The following HS6ST2 variants were observed in gnomAD, a reference collection of about 807,000 sequenced individuals.
HS6ST2 encodes heparan-sulfate 6-O-sulfotransferase 2.
HS6ST2 carries 17 observed loss-of-function variants against 33.0 expected under a neutral mutation model. That is an observed-to-expected ratio of 0.52 (90% CI 0.35 to 0.77). The LOEUF is 0.77. HS6ST2 is among the 30% of genes least tolerant of loss of function. The pLI is 0.01. For missense variants in HS6ST2, 519 were observed against 551.7 expected (o/e 0.94, Z 0.59); for synonymous variants, 248 against 237.1 (o/e 1.05, Z -0.42).
intron 2 of HS6ST2, among the ~76,000 whole-genome samples, chrX:132,834,937 T>C (rs1405614468): frequency 1.8e-5 from 2 of 112,301 alleles, no homozygotes; most frequent in Non-Finnish European, 3.8e-5. Flanking sequence ...TAGTCCTTTG[T>C]TTTCAGCTTT....
rs1054914905 is a variant in HS6ST2, at chrX:132,675,505, G to A, written c.981-6306C>T. ...GGAAAGTGAAGGCCTCGTTCCTGGTGCAGGCCAGTGGCTTTCTTCATCCCA... is the reference window on the plus strand; with the variant it reads ...GGAAAGTGAAGGCCTCGTTCCTGGTACAGGCCAGTGGCTTTCTTCATCCCA... On this transcript the variant is annotated intron_variant, in intron 3 of 4. Transcript: ENST00000370833. Among the ~76,000 whole-genome samples the A allele has an allele frequency of 4.5e-5, 5 of 111,750 alleles. No individual in the cohort carries two copies. In the Admixed American group the frequency reaches 4.8e-4, roughly 11 times the overall value.
chrX:132,719,835 G>A (rs777694732), intron 2 of HS6ST2, among the ~76,000 whole-genome samples: 37 of 112,534 alleles, frequency 3.3e-4, no homozygotes, highest in Non-Finnish European at 3.8e-5. Flanking sequence ...CTTGTCTTCA[G>A]GATCCAAGGA....
intron 2 of HS6ST2, among the ~76,000 whole-genome samples, chrX:132,904,508 CTTT>C (rs56772653): frequency 9.5e-6 from 1 of 105,242 alleles, no homozygotes; most frequent in Non-Finnish European, 1.9e-5. Flanking sequence ...TCCTTCTTTC[CTTT>C]TTTATTTTCT....
intron 3 of HS6ST2, among the ~76,000 whole-genome samples, chrX:132,682,074 T>C (rs1289565293): frequency 8.9e-6 from 1 of 112,450 alleles, no homozygotes; most frequent in African/African-American, 3.2e-5. Flanking sequence ...CAGATGCTAC[T>C]GTAGGAAGAA....
intron 2 of HS6ST2, among the ~76,000 whole-genome samples, chrX:132,897,944 G>A (rs2066390945): frequency 9.0e-6 from 1 of 111,630 alleles, no homozygotes; most frequent in Non-Finnish European, 1.9e-5. Flanking sequence ...GGCCACGAAT[G>A]GGTACTGGTC....
intron 4 of HS6ST2, among the ~76,000 whole-genome samples, chrX:132,652,230 C>A (rs1387248173): frequency 9.0e-6 from 1 of 111,711 alleles, no homozygotes; most frequent in East Asian, 2.8e-4. Context: ...ATCTGTTACC[C>A]ACTTAGCAAT....
intron 2 of HS6ST2, among the ~76,000 whole-genome samples, chrX:132,812,653 T>C (rs936357098): frequency 1.2e-4 from 13 of 109,115 alleles, no homozygotes; most frequent in Admixed American, 5.0e-4. Context: ...TTTGGTTTTG[T>C]TGTTCTTGTT....
At chrX:132,646,381 C>G (rs1398807356) in intron 4 of HS6ST2, among the ~76,000 whole-genome samples, 1 of 110,213 alleles carries the variant, frequency 9.1e-6, no homozygotes, top group Admixed American at 9.7e-5. Context: ...TCTAAGATAT[C>G]CCTCCTGCTA....
chrX:132,646,255 T>A (rs1482906249), intron 4 of HS6ST2, among the ~76,000 whole-genome samples: 1 of 111,529 alleles, frequency 9.0e-6, no homozygotes, highest in Non-Finnish European at 1.9e-5. Context: ...TAAAGTTTAT[T>A]CCTTTGGTTT....
At chrX:132,706,326 G>A (rs1259919025) in intron 3 of HS6ST2, among the ~76,000 whole-genome samples, 1 of 111,955 alleles carries the variant, frequency 8.9e-6, no homozygotes, top group Non-Finnish European at 1.9e-5. Flanking sequence ...ACTTTATAGA[G>A]GTCTATTGTT....
intron 3 of HS6ST2, among the ~76,000 whole-genome samples, chrX:132,682,526 A>G (rs2063979920): frequency 8.9e-6 from 1 of 111,996 alleles, no homozygotes; most frequent in African/African-American, 3.2e-5. Context: ...GGATATAAAC[A>G]ATCCTTTGTG....
intron 2 of HS6ST2, among the ~76,000 whole-genome samples, chrX:132,828,362 C>G (rs1390658000): frequency 9.1e-6 from 1 of 110,146 alleles, no homozygotes; most frequent in African/African-American, 3.3e-5. Context: ...AAAGTGATCC[C>G]TAAGGCAACC....
At chrX:132,671,851 A>G (rs1288941245) in intron 3 of HS6ST2, among the ~76,000 whole-genome samples, 2 of 112,134 alleles carry the variant, frequency 1.8e-5, no homozygotes, top group Non-Finnish European at 3.8e-5. Flanking sequence ...CAGATCCATT[A>G]ACAGTGATGA....
intron 2 of HS6ST2, among the ~76,000 whole-genome samples, chrX:132,802,322 T>C (rs1475102482): frequency 1.8e-5 from 2 of 111,781 alleles, no homozygotes; most frequent in Non-Finnish European, 3.8e-5. Flanking sequence ...ACAAGGATAA[T>C]AACAGATCTC....
intron 2 of HS6ST2, among the ~76,000 whole-genome samples, chrX:132,724,013 G>A (rs1602612881): frequency 9.0e-6 from 1 of 111,637 alleles, no homozygotes; most frequent in Non-Finnish European, 1.9e-5. Flanking sequence ...GGTGGCGGGC[G>A]CCTGTAGCCC....
intron 4 of HS6ST2, among the ~76,000 whole-genome samples, chrX:132,650,706 C>T (rs1490648051): frequency 9.5e-6 from 1 of 105,401 alleles, no homozygotes; most frequent in Admixed American, 1.0e-4. Context: ...ACCCCTGCCC[C>T]AATGCAGGAT....
chrX:132,826,364 C>G (rs1039930944), intron 2 of HS6ST2, among the ~76,000 whole-genome samples: 5 of 111,311 alleles, frequency 4.5e-5, no homozygotes, highest in Non-Finnish European at 9.4e-5. Flanking sequence ...CTCTTGAGCA[C>G]TTGAAATATA....
At chrX:132,834,899 C>T (rs1385694430) in intron 2 of HS6ST2, among the ~76,000 whole-genome samples, 1 of 111,982 alleles carries the variant, frequency 8.9e-6, no homozygotes, top group Admixed American at 9.4e-5. Flanking sequence ...CGCTTTCTCC[C>T]TAAGTGTTAT....
At chrX:132,680,881 C>T (rs770717879) in intron 3 of HS6ST2, among the ~76,000 whole-genome samples, 1 of 110,491 alleles carries the variant, frequency 9.1e-6, no homozygotes, top group South Asian at 4.0e-4. Flanking sequence ...TGCCTGTATT[C>T]CCAGCTACTT....
Sources: allele counts gnomAD v4.1 joint callset (sites outside exome capture counted in the v4.1 genomes callset), GRCh38; gene constraint gnomAD v4.1.1; transcripts MANE v1.5; gene names NCBI Gene and HGNC (gene_info 2026-07-23, HGNC 2026-07-21).